Variants in KSR2 observed in about 807,000 individuals in gnomAD.
KSR2 encodes the protein kinase suppressor of ras 2.
A neutral mutation model predicts 107.8 loss-of-function variants in KSR2; 25 were observed. The ratio of observed to expected loss-of-function variants is 0.23; its 90% CI spans 0.17 to 0.32. The LOEUF is 0.32. KSR2 is among the 10% of genes least tolerant of loss of function. The probability of loss-of-function intolerance (pLI) is 1.00; values close to 1 mark genes in which losing one functional copy is unlikely to be tolerated. For synonymous variants in KSR2, 480 were observed against 507.0 expected, an observed-to-expected ratio of 0.95 and a Z score of 0.71; for missense variants, 887 against 1,268.9, an observed-to-expected ratio of 0.70 and a Z score of 4.57.
intron 14 of KSR2, among the ~76,000 whole-genome samples, chr12:117,490,604 C>T (rs570590673): frequency 3.2e-4 from 49 of 152,092 alleles, no homozygotes; most frequent in Admixed American, 3.9e-4. Context: ...CTATGTTGTC[C>T]GGGCTGGTCT....
At chr12:117,962,414 C>T (rs1896685628) in intron 1 of KSR2, among the ~76,000 whole-genome samples, 1 of 151,038 alleles carries the variant, frequency 6.6e-6, no homozygotes, top group Non-Finnish European at 1.5e-5. Context: ...CCAATATGAC[C>T]CATCGCCTGG....
At chr12:117,605,776 C>T (rs141334991) in intron 5 of KSR2, among the ~76,000 whole-genome samples, 117 of 152,172 alleles carry the variant, frequency 7.7e-4, no homozygotes, top group African/African-American at 2.3e-3. Context: ...ATATACACCA[C>T]GGAATACTAT....
At chr12:117,785,022 C>A (rs1890013466) in intron 3 of KSR2, among the ~76,000 whole-genome samples, 1 of 152,196 alleles carries the variant, frequency 6.6e-6, no homozygotes, top group Non-Finnish European at 1.5e-5. Context: ...CAGAAGGAAA[C>A]CCAGAGTCTC....
intron 7 of KSR2, among the ~76,000 whole-genome samples, chr12:117,576,769 G>A (rs1879307695): frequency 6.6e-6 from 1 of 152,040 alleles, no homozygotes; most frequent in Non-Finnish European, 1.5e-5. Flanking sequence ...CTCCCAAGTA[G>A]CTAGGACAAC....
At chr12:117,475,952 G>A (rs1334266888) in intron 17 of KSR2, among the ~76,000 whole-genome samples, 1 of 152,180 alleles carries the variant, frequency 6.6e-6, no homozygotes, top group African/African-American at 2.4e-5. Flanking sequence ...GGCCACCAGG[G>A]AAGTGGATCC....
At chr12:117,639,376 C>A (rs1593079794) in intron 5 of KSR2, among the ~76,000 whole-genome samples, 1 of 151,360 alleles carries the variant, frequency 6.6e-6, no homozygotes, top group South Asian at 2.1e-4. Context: ...GTTGCCCAGG[C>A]TGGAGTGCAG....
intron 12 of KSR2, among the ~76,000 whole-genome samples, 177 bp from the exon 13 acceptor site, chr12:117,527,296 C>CAG (rs1875246200): frequency 1.4e-5 from 1 of 71,718 alleles, no homozygotes; most frequent in African/African-American, 5.3e-5. Flanking sequence ...CACACACACA[C>CAG]ACACAGACAC....
chr12:117,662,421 C>T (rs2136468811), intron 5 of KSR2, among the ~76,000 whole-genome samples: 1 of 152,260 alleles, frequency 6.6e-6, no homozygotes, highest in African/African-American at 2.4e-5. Context: ...CAGTTCTGCT[C>T]CATCAGTCTT....
intron 5 of KSR2, among the ~76,000 whole-genome samples, chr12:117,612,658 GA>G (rs150677910): frequency 0.11 from 15,992 of 152,070 alleles, 928 homozygotes; most frequent in Admixed American, 0.16. Context: ...ATTTGCAGAA[GA>G]AAAACCAGTG....
intron 19 of KSR2, among the ~76,000 whole-genome samples, chr12:117,468,132 T>A (rs1871250375): frequency 6.6e-6 from 1 of 152,164 alleles, no homozygotes; most frequent in Admixed American, 6.5e-5. Context: ...TGTTTTCATA[T>A]CCAATCCATT....
intron 4 of KSR2, among the ~76,000 whole-genome samples, chr12:117,680,331 T>A (rs1296942271): frequency 6.6e-6 from 1 of 152,210 alleles, no homozygotes; most frequent in Admixed American, 6.5e-5. Context: ...CAAGATAAAA[T>A]TGAATATTCT....
At chr12:117,557,243 A>G (rs1877764458) in intron 8 of KSR2, among the ~76,000 whole-genome samples, 1 of 152,160 alleles carries the variant, frequency 6.6e-6, no homozygotes, top group African/African-American at 2.4e-5. Flanking sequence ...AATGTCAGAA[A>G]TGCTGGCAAT....
In KSR2 at chr12:117,968,301, A is replaced by T; in HGVS notation, c.-46T>A. The stretch of plus-strand genomic sequence containing the variant: ...TCCCCTCCTCCTCCTCCCAGAGAGA[A>T]AAAAGAGGGGGGGGAGTAGAGGTAG... On this transcript the variant is annotated 5_prime_UTR_variant, in exon 1 of 20. Transcript: ENST00000339824. 8.9e-7 allele frequency: 1 copy of T among 1,124,698 alleles called. No homozygotes were observed. Among genetic ancestry groups the T allele is most frequent in the East Asian group, 3.6e-5 (1 of 27,752 alleles). The allele number at this position is 1,124,698 out of a possible 1,614,324, so 69.7% of individuals were successfully genotyped here.
intron 1 of KSR2, among the ~76,000 whole-genome samples, chr12:117,939,266 T>C (rs1406476980): frequency 6.6e-6 from 1 of 152,236 alleles, no homozygotes; most frequent in African/African-American, 2.4e-5. Flanking sequence ...TTGAAATGTA[T>C]TGAAGATGAA....
chr12:117,945,761 C>T (rs1325945025), intron 1 of KSR2, among the ~76,000 whole-genome samples: 1 of 152,120 alleles, frequency 6.6e-6, no homozygotes, highest in Non-Finnish European at 1.5e-5. Flanking sequence ...ACTTGGCACT[C>T]ATCCTCCCAC....
intron 4 of KSR2, among the ~76,000 whole-genome samples, chr12:117,728,826 G>A (rs1249340679): frequency 6.6e-6 from 1 of 152,182 alleles, no homozygotes; most frequent in Non-Finnish European, 1.5e-5. Flanking sequence ...ATGCCAGGGG[G>A]TCACTGCAAA....
At chr12:117,520,930 G>T (rs530255170) in intron 14 of KSR2, among the ~76,000 whole-genome samples, 1 of 152,120 alleles carries the variant, frequency 6.6e-6, no homozygotes, top group Non-Finnish European at 1.5e-5. Flanking sequence ...GGCCAGGGAC[G>T]CTGCCAAACA....
At chr12:117,471,405 G>C (rs1197475973) in intron 17 of KSR2, 85 bp from the exon 18 acceptor site, 6 of 1,452,890 alleles carry the variant, frequency 4.1e-6, no homozygotes, top group Non-Finnish European at 5.6e-6. Context: ...CACCCACCCA[G>C]CCAGTCTCCT....
chr12:117,787,769 G>A (rs4767618), intron 3 of KSR2, among the ~76,000 whole-genome samples: 84,203 of 152,088 alleles, frequency 0.55, 24,825 homozygotes, highest in African/African-American at 0.75. Flanking sequence ...ACTCACCAAA[G>A]CAGACTAACC....
Sources: allele counts gnomAD v4.1 joint callset (sites outside exome capture counted in the v4.1 genomes callset), GRCh38; gene constraint gnomAD v4.1.1; transcripts MANE v1.5; gene names NCBI Gene and HGNC (gene_info 2026-07-23, HGNC 2026-07-21).